The following USP7 variants were observed in gnomAD, a reference collection of about 807,000 sequenced individuals.
USP7 encodes the protein ubiquitin specific peptidase 7, also known as ubiquitin C-terminal hydrolase 7.
USP7 carries 9 observed loss-of-function variants against 162.9 expected under a neutral mutation model. That is an observed-to-expected ratio of 0.06 (90% CI 0.03 to 0.10). USP7 has a LOEUF of 0.10. Ranked by LOEUF, USP7 falls within the 10% of genes least tolerant of loss-of-function variation. The pLI, the probability that USP7 is intolerant of heterozygous loss-of-function variation, is 1.00. For missense variants in USP7, 715 were observed against 1,373.7 expected, an observed-to-expected ratio of 0.52 and a Z score of 7.58; for synonymous variants, 562 against 475.9, an observed-to-expected ratio of 1.18 and a Z score of -2.35.
chr16:8,897,890 C>A (rs948096515), intron 25 of USP7, among the ~76,000 whole-genome samples: 2 of 150,624 alleles, frequency 1.3e-5, no homozygotes, highest in Non-Finnish European at 3.0e-5. Context: ...CAGAGCGAGA[C>A]CCTGTCTCGA....
chr16:8,909,512 G>A (rs534880579), intron 11 of USP7, among the ~76,000 whole-genome samples: 1 of 152,226 alleles, frequency 6.6e-6, no homozygotes, highest in Admixed American at 6.5e-5. Context: ...CTCCACCGCT[G>A]TCCACTGAGG....
At chr16:8,961,896 G>A (rs146417442) in intron 1 of USP7, among the ~76,000 whole-genome samples, 309 of 152,262 alleles carry the variant, frequency 2.0e-3, no homozygotes, top group African/African-American at 7.0e-3. Context: ...CCTTGGCGTG[G>A]ACTCCGCTCT....
At chr16:8,917,210 A>T in intron 6 of USP7, 54 bp from the exon 7 acceptor site, 1 of 1,539,076 alleles carries the variant, frequency 6.5e-7, no homozygotes, top group Non-Finnish European at 8.7e-7. Context: ...AGGGGAATTT[A>T]AAAAACAGTA....
chr16:8,963,517 G>A lies in USP7; in HGVS notation c.-232C>T, dbSNP rs1276147513. 1.4e-5 allele frequency: 2 copies of A among 143,244 alleles called. No individual in the cohort carries two copies. The highest frequency in any genetic ancestry group is 2.5e-5 in the African/African-American group (1 of 39,918). The allele number at this position is 143,244 out of a possible 1,614,324, so 8.9% of individuals were successfully genotyped here. A position where few individuals can be genotyped will look rare whatever the true frequency, so the allele number is the denominator to read the frequency against. On this transcript the variant is annotated 5_prime_UTR_variant, in exon 1 of 31. Transcript: ENST00000344836. ...CGATTCGCCCAATCTCGGCGCCGAGGCGGGCGGGCGGCCGGCGGGCCGGGC... is the reference window on the plus strand; with the variant it reads ...CGATTCGCCCAATCTCGGCGCCGAGACGGGCGGGCGGCCGGCGGGCCGGGC...
intron 1 of USP7, among the ~76,000 whole-genome samples, chr16:8,961,221 G>T (rs60556906): frequency 0.028 from 4,249 of 152,090 alleles, 163 homozygotes; most frequent in African/African-American, 0.087. Context: ...GGCCAGGCGC[G>T]ATGGCTCACA....
At chr16:8,916,084 T>C (rs1315199664) in intron 8 of USP7, among the ~76,000 whole-genome samples, 12 of 152,176 alleles carry the variant, frequency 7.9e-5, no homozygotes, top group African/African-American at 2.7e-4. Flanking sequence ...GGGAGAGTAA[T>C]CACCGCATGC....
chr16:8,920,617 G>T (rs1053138689), intron 4 of USP7, among the ~76,000 whole-genome samples, 170 bp from the exon 5 acceptor site: 5 of 152,072 alleles, frequency 3.3e-5, no homozygotes, highest in Admixed American at 6.6e-5. Context: ...TTTAACAGTG[G>T]TCTCACAACA....
At position 8,909,911 on chromosome 16, in the gene USP7, C is replaced by A. The variant is rs567779098; in HGVS notation, c.1161+834G>T. On this transcript the variant is annotated intron_variant, in intron 11 of 30. Transcript: ENST00000344836. ...ACTGCACTCTAGCCTGGGGAACAGACCGAGTCTCCGTCTCAGAAAAAAAAG... is the reference window on the plus strand; with the variant it reads ...ACTGCACTCTAGCCTGGGGAACAGAACGAGTCTCCGTCTCAGAAAAAAAAG... Among the ~76,000 whole-genome samples the A allele has an allele frequency of 2.0e-5, 3 of 151,986 alleles. No homozygotes were observed. The East Asian group carries it at 5.8e-4, about 29-fold the overall frequency.
chr16:8,934,323 C>A (rs904722169), intron 1 of USP7, among the ~76,000 whole-genome samples: 1 of 152,158 alleles, frequency 6.6e-6, no homozygotes. Flanking sequence ...GCAGTGAAAT[C>A]AGACTGAGAC....
chr16:8,920,211 A>AGCAGGTGTGACTCTGT (rs1422828261), intron 5 of USP7, 148 bp downstream of exon 5: 5 of 655,634 alleles, frequency 7.6e-6, no homozygotes, highest in Admixed American at 2.9e-5. Context: ...ACGAGTGTCA[A>AGCAGGTGTGACTCTGT]GCAGGTGTGA....
intron 12 of USP7, among the ~76,000 whole-genome samples, 198 bp downstream of exon 12, chr16:8,908,143 C>G (rs1329226376): frequency 6.6e-6 from 1 of 152,192 alleles, no homozygotes; most frequent in Admixed American, 6.5e-5. Flanking sequence ...GGGAAATGGA[C>G]TCGGCAGAGG....
chr16:8,930,426 G>T (rs771468894), intron 1 of USP7, 29 bp from the exon 2 acceptor site: 7 of 1,548,278 alleles, frequency 4.5e-6, no homozygotes, highest in Non-Finnish European at 5.3e-6. Flanking sequence ...AATTCCACGG[G>T]TTTTACATTC....
At chr16:8,904,322 T>C (rs1209001134) in intron 15 of USP7, 113 bp downstream of exon 15, 1 of 1,528,950 alleles carries the variant, frequency 6.5e-7, no homozygotes, top group African/African-American at 1.4e-5. Context: ...ATGGATGCCC[T>C]GCTGCATGGT....
At chr16:8,939,807 AG>A (rs1898949668) in intron 1 of USP7, among the ~76,000 whole-genome samples, 1 of 152,226 alleles carries the variant, frequency 6.6e-6, no homozygotes, top group Non-Finnish European at 1.5e-5. Flanking sequence ...CCCCTAAAGA[AG>A]ACTGTTTCTG....
intron 2 of USP7, among the ~76,000 whole-genome samples, chr16:8,927,903 G>A (rs916871505): frequency 2.6e-5 from 4 of 152,156 alleles, no homozygotes; most frequent in African/African-American, 9.7e-5. Context: ...CCAACACATT[G>A]GGAGGCCAAG....
chr16:8,906,129 A>G (rs1163819948), intron 13 of USP7, among the ~76,000 whole-genome samples: 4 of 152,230 alleles, frequency 2.6e-5, no homozygotes, highest in Non-Finnish European at 4.4e-5. Context: ...GGCCCACCGC[A>G]TGGGTAATTA....
At chr16:8,895,507 C>G (rs1567204468) in intron 27 of USP7, 135 bp downstream of exon 27, 1 of 831,250 alleles carries the variant, frequency 1.2e-6, no homozygotes, top group Non-Finnish European at 1.9e-6. Context: ...TAGGTCCACT[C>G]ATGGAATCAT....
At chr16:8,905,034 C>A (rs539955795) in intron 14 of USP7, among the ~76,000 whole-genome samples, 153 bp downstream of exon 14, 1 of 152,272 alleles carries the variant, frequency 6.6e-6, no homozygotes, top group Admixed American at 6.5e-5. Flanking sequence ...TGCATCGAAA[C>A]GCGCAAGCCC....
At chr16:8,927,925 G>A (rs1466637827) in intron 2 of USP7, among the ~76,000 whole-genome samples, 1 of 151,996 alleles carries the variant, frequency 6.6e-6, no homozygotes, top group Non-Finnish European at 1.5e-5. Flanking sequence ...CAGAAGAACT[G>A]CTTGAGCCAA....
Sources: allele counts gnomAD v4.1 joint callset (sites outside exome capture counted in the v4.1 genomes callset), GRCh38; gene constraint gnomAD v4.1.1; transcripts MANE v1.5; gene names NCBI Gene and HGNC (gene_info 2026-07-23, HGNC 2026-07-21).